NCL: variants seen among roughly 807,000 people sequenced by gnomAD.
NCL encodes the protein nucleolin multifunctional protein.
NCL carries 4 observed loss-of-function variants against 77.7 expected under a neutral mutation model. The ratio of observed to expected loss-of-function variants is 0.05; its 90% CI spans 0.03 to 0.12. NCL has a LOEUF of 0.12. Ranked by LOEUF, NCL falls within the 10% of genes least tolerant of loss-of-function variation. The probability of loss-of-function intolerance (pLI) is 1.00; values close to 1 mark genes in which losing one functional copy is unlikely to be tolerated. For synonymous variants in NCL, 344 were observed against 297.8 expected (o/e 1.16, Z -1.60); for missense variants, 763 against 860.9 (o/e 0.89, Z 1.42).
chr2:231,455,711 C>T (rs888206414), intron 12 of NCL, 87 bp from the exon 13 acceptor site: 2 of 1,436,762 alleles, frequency 1.4e-6, no homozygotes, highest in Non-Finnish European at 2.0e-6. Context: ...AGCCATCCCA[C>T]AGAAAGTAGC....
At chr2:231,462,160 G>A in intron 2 of NCL, 143 bp from the exon 3 acceptor site, 1 of 1,120,738 alleles carries the variant, frequency 8.9e-7, no homozygotes, top group South Asian at 1.3e-5. Context: ...TAAACTCCAG[G>A]CTTCTGTTAT....
chr2:231,455,301 T>C (rs1351807207), intron 13 of NCL, 34 bp from the exon 14 acceptor site: 1 of 1,614,008 alleles, frequency 6.2e-7, no homozygotes. Context: ...GTTAAAAGAA[T>C]GGGTACAAAG....
chr2:231,456,770 G>A lies in NCL; in HGVS notation c.1572-6C>T, dbSNP rs540640464. ...CAAACTCTATAAATGCATACCTGAG[G>A]ATGAACAGTTAATGCTTAGAGTAAG... On this transcript the variant is annotated splice_polypyrimidine_tract_variant and splice_region_variant and intron_variant, in intron 10 of 13. Coordinates refer to ENST00000322723, the MANE Select transcript of NCL (RefSeq NM_005381.3). 1.1e-5 allele frequency: 18 copies of A among 1,614,024 alleles called. No individual in the cohort carries two copies. The highest frequency in any genetic ancestry group is 5.5e-5 in the South Asian group (5 of 91,054).
intron 1 of NCL, 69 bp from the exon 2 acceptor site, chr2:231,463,385 A>G (rs939909421): frequency 2.0e-6 from 2 of 1,016,602 alleles, no homozygotes; most frequent in Non-Finnish European, 3.1e-6. Flanking sequence ...TTTTGCCATT[A>G]GTGTTCATAC....
At position 231,455,096 on chromosome 2, in the gene NCL, G is replaced by A. The variant is rs141897812; in HGVS notation, c.*95C>T. ...GACCACAGGACTGTATACTGTCTTG[G>A]AATGTCCTCAGAAGGCTCTGTCATT... is the stretch of plus-strand genomic sequence containing the variant. On this transcript the variant is annotated 3_prime_UTR_variant, in exon 14 of 14. Coordinates refer to ENST00000322723, the MANE Select transcript of NCL (RefSeq NM_005381.3). 7.3e-7 allele frequency: 1 copy of A among 1,363,672 alleles called. No homozygotes were observed. The highest frequency in any genetic ancestry group is 1.0e-6 in the Non-Finnish European group (1 of 959,396). 84.5% of individuals were successfully genotyped at this position (1,363,672 alleles called of 1,614,324 possible).
Position 231,464,462 on chromosome 2 carries a change from A to T in NCL, c.-109T>A. The T allele has an allele frequency of 6.9e-7, 1 of 1,444,938 alleles. No homozygotes were observed. Among genetic ancestry groups the T allele is most frequent in the Non-Finnish European group, 9.5e-7 (1 of 1,051,144 alleles). 89.5% of individuals were successfully genotyped at this position (1,444,938 alleles called of 1,614,324 possible). On this transcript the variant is annotated 5_prime_UTR_variant, in exon 1 of 14. Coordinates refer to ENST00000322723, the MANE Select transcript of NCL (RefSeq NM_005381.3). The stretch of plus-strand genomic sequence containing the variant: ...GAAGATCCCGGAGCACGTACACCCG[A>T]AGGCCAGCGAGAGCTCGAGACTGAG...
chr2:231,458,564 C>T, intron 7 of NCL, 175 bp from the exon 8 acceptor site: 1 of 796,430 alleles, frequency 1.3e-6, no homozygotes, highest in South Asian at 1.9e-5. Context: ...CACAAGTGGT[C>T]CCTCCATGTT....
intron 11 of NCL, 102 bp from the exon 12 acceptor site, chr2:231,456,238 G>C: frequency 6.8e-7 from 1 of 1,472,574 alleles, no homozygotes; most frequent in Non-Finnish European, 9.2e-7. Context: ...ACTTGTTATA[G>C]TGAAAAAGCA....
Position 231,456,019 on chromosome 2 carries a change from G to C in NCL, c.1823C>G (p.Ser608Cys). ...CGCTTCCTTCCCTTACCCTTTGGAG[G>C]ACCCAGTTTCCCGGTCAGTAACTAT... ...ARIVTDRETG[S>C]SKGFGFVDFN... Residue 608 changes from serine (S) to cysteine (C), a missense_variant, in exon 12 of 14, where the codon TCC becomes TGC. Coordinates refer to ENST00000322723, the MANE Select transcript of NCL (RefSeq NM_005381.3). The C allele has an allele frequency of 6.2e-7, 1 of 1,614,164 alleles. No homozygotes were observed. Among genetic ancestry groups the C allele is most frequent in the Non-Finnish European group, 8.5e-7 (1 of 1,180,030 alleles).
chr2:231,460,736 GTCGTCA>G lies in NCL; in HGVS notation c.738_743del (p.Asp249_Asp250del). The stretch of plus-strand genomic sequence containing the variant: ...CATCATCTTCATCATCTTCGTCGTC[GTCGTCA>G]TCCTCGTCCTCATCATCCTCTTCTT... On this transcript the variant is annotated inframe_deletion, in exon 4 of 14. Transcript: ENST00000322723. 4 of 1,611,310 alleles carry G rather than the reference GTCGTCA, an allele frequency of 2.5e-6. No homozygotes were observed. The highest frequency in any genetic ancestry group is 3.4e-6 in the Non-Finnish European group (4 of 1,177,710).
rs779128925 is a variant in NCL, at chr2:231,460,618, T to C, written c.811+51A>G. On this transcript the variant is annotated intron_variant, in intron 4 of 13. Transcript: ENST00000322723. ...ACATCAGTAGCCACAAACACTTAAG[T>C]GCCTCCTTTAAACATAACTCATGTC... 5 of 1,614,024 alleles carry C rather than the reference T, an allele frequency of 3.1e-6. No individual in the cohort carries two copies. The Admixed American group carries it at 6.7e-5, about 22-fold the overall frequency.
intron 2 of NCL, 137 bp from the exon 3 acceptor site, chr2:231,462,154 C>T: frequency 8.8e-7 from 1 of 1,130,792 alleles, no homozygotes; most frequent in Non-Finnish European, 1.3e-6. Context: ...GCATGTTAAA[C>T]TCCAGGCTTC....
chr2:231,463,121 CCA>C (rs2046967749), intron 2 of NCL, 77 bp downstream of exon 2: 6 of 1,056,328 alleles, frequency 5.7e-6, no homozygotes, highest in East Asian at 2.4e-5. Context: ...CTTATTTTTG[CCA>C]CAGATATCCA....
chr2:231,457,505 T>C, intron 9 of NCL, 138 bp downstream of exon 9: 1 of 886,976 alleles, frequency 1.1e-6, no homozygotes, highest in East Asian at 2.5e-5. Flanking sequence ...AGAGTATGAC[T>C]TGGGGTATCA....
chr2:231,461,147 T>A (rs1430142071), intron 3 of NCL, among the ~76,000 whole-genome samples: 1 of 151,902 alleles, frequency 6.6e-6, no homozygotes, highest in Non-Finnish European at 1.5e-5. Flanking sequence ...GGTGTGGTGG[T>A]GGGCACCTGT....
chr2:231,460,128 T>C (rs776054313), intron 6 of NCL, 24 bp downstream of exon 6: 4 of 1,600,412 alleles, frequency 2.5e-6, no homozygotes, highest in South Asian at 1.1e-5. Flanking sequence ...CCCACGTGTA[T>C]GTAACGTGCA....
intron 1 of NCL, chr2:231,464,005 G>A (rs1462632641): frequency 9.3e-6 from 7 of 749,824 alleles, no homozygotes; most frequent in Admixed American, 4.3e-5. Flanking sequence ...CCGCGCTCCC[G>A]GGCACGTGCG....
At chr2:231,463,070 G>C (rs2046967023) in intron 2 of NCL, 130 bp downstream of exon 2, 2 of 693,036 alleles carry the variant, frequency 2.9e-6, no homozygotes, top group Non-Finnish European at 2.5e-6. Context: ...AAGAGCTTGT[G>C]AAACACTCAA....
intron 1 of NCL, chr2:231,464,049 A>C: frequency 8.4e-7 from 1 of 1,185,118 alleles, no homozygotes; most frequent in Non-Finnish European, 1.1e-6. Flanking sequence ...ACGCGTCGCA[A>C]AAGTTTGGTC....
Sources: allele counts gnomAD v4.1 joint callset (sites outside exome capture counted in the v4.1 genomes callset), GRCh38; gene constraint gnomAD v4.1.1; transcripts MANE v1.5; gene names NCBI Gene and HGNC (gene_info 2026-07-23, HGNC 2026-07-21).